The following ERAP1 variants were observed in gnomAD, a reference collection of about 807,000 sequenced individuals.
The protein encoded by ERAP1 is adipocyte-derived leucine aminopeptidase.
A neutral mutation model predicts 103.7 loss-of-function variants in ERAP1; 86 were observed. The ratio of observed to expected loss-of-function variants is 0.83; its 90% CI spans 0.70 to 0.99. ERAP1 has a LOEUF of 0.99. ERAP1 is among the 50% of genes least tolerant of loss of function. The pLI is 0.00. For missense variants in ERAP1, 1,009 were observed against 1,128.4 expected (o/e 0.89, Z 1.52); for synonymous variants, 398 against 402.4 (o/e 0.99, Z 0.13).
chr5:96,794,171 C>CT (rs35041937), intron 5 of ERAP1, among the ~76,000 whole-genome samples: 12,177 of 68,600 alleles, frequency 0.18, 3,319 homozygotes, highest in East Asian at 0.53. Context: ...CATCTCAGGC[C>CT]TTTTTTTTTT....
chr5:96,766,545 G>T (rs112257770), intron 19 of ERAP1, among the ~76,000 whole-genome samples: 16 of 152,164 alleles, frequency 1.1e-4, no homozygotes, highest in African/African-American at 3.6e-4. Context: ...TAATAAGGCA[G>T]CTCCAAGACC....
the ERAP1 span, among the ~76,000 whole-genome samples, chr5:96,891,945 G>T: frequency 6.6e-6 from 1 of 152,034 alleles, no homozygotes; most frequent in Non-Finnish European, 1.5e-5. Context: ...CCTTTTTAAA[G>T]TTTTCAGCAG....
intron 19 of ERAP1, chr5:96,766,249 A>G (rs985400153): frequency 3.9e-5 from 26 of 667,394 alleles, no homozygotes; most frequent in Non-Finnish European, 6.7e-5. Flanking sequence ...AATAGCATAA[A>G]ACATACCATG....
the ERAP1 span, among the ~76,000 whole-genome samples, chr5:96,878,421 T>C: frequency 1.3e-5 from 2 of 152,282 alleles, no homozygotes; most frequent in Admixed American, 1.3e-4. Flanking sequence ...TAATATCTGG[T>C]ATCCAAAGAA....
chr5:96,776,876 T>A, intron 18 of ERAP1: 1 of 250,676 alleles, frequency 4.0e-6, no homozygotes, highest in South Asian at 6.0e-5. Flanking sequence ...AGATGCAAAC[T>A]TCGTTTTTTA....
At chr5:96,807,833 C>T in intron 1 of ERAP1, 27 bp downstream of exon 1, 1 of 985,836 alleles carries the variant, frequency 1.0e-6, no homozygotes, top group South Asian at 4.7e-5. Flanking sequence ...CCCGCAGTCC[C>T]CTACCCGCGG....
At chr5:96,800,776 C>T in intron 3 of ERAP1, 86 bp downstream of exon 3, 4 of 1,422,188 alleles carry the variant, frequency 2.8e-6, no homozygotes, top group Non-Finnish European at 4.0e-6. Flanking sequence ...AAACAGGTGA[C>T]CCAATGTTGA....
At chr5:96,796,539 T>C (rs1027819373) in intron 4 of ERAP1, among the ~76,000 whole-genome samples, 1 of 152,194 alleles carries the variant, frequency 6.6e-6, no homozygotes, top group Non-Finnish European at 1.5e-5. Context: ...TTGCAGGATC[T>C]AGTCCAAGTT....
At chr5:96,825,101 A>T in the ERAP1 span, among the ~76,000 whole-genome samples, 1 of 152,230 alleles carries the variant, frequency 6.6e-6, no homozygotes, top group African/African-American at 2.4e-5. Context: ...GTCATTGGTC[A>T]GTAAGTTCCA....
chr5:96,879,859 TG>T, the ERAP1 span: 1 of 1,614,204 alleles, frequency 6.2e-7, no homozygotes, highest in South Asian at 1.1e-5. Flanking sequence ...TAGCCACTAA[TG>T]GGGAACGATT....
rs773395784 is a variant in ERAP1 at position 96,786,479 on chromosome 5, T to A, written c.1750A>T (p.Thr584Ser). 1 of 1,609,882 alleles carries A rather than the reference T, an allele frequency of 6.2e-7. No individual in the cohort carries two copies. The highest frequency in any genetic ancestry group is 8.5e-7 in the Non-Finnish European group (1 of 1,176,688). ...SDMVHRFLLK[T>S]KTDVLILPEE... The stretch of plus-strand genomic sequence containing the variant: ...TTCCAAAATAAATTACCTGTTTTTG[T>A]TTTTAGCAAAAATCGATGGACCATG... Residue 584 changes from threonine to serine, a missense_variant, in exon 12 of 19, where the codon ACA (threonine) becomes TCA (serine). Transcript: ENST00000443439.
At chr5:96,911,358 C>T in the ERAP1 span, among the ~76,000 whole-genome samples, 1 of 152,078 alleles carries the variant, frequency 6.6e-6, no homozygotes, top group Non-Finnish European at 1.5e-5. Flanking sequence ...TCTTATTGAT[C>T]CGTTGACATT....
chr5:96,829,872 A>C, the ERAP1 span, among the ~76,000 whole-genome samples: 1 of 152,222 alleles, frequency 6.6e-6, no homozygotes, highest in Non-Finnish European at 1.5e-5. Context: ...TTTGAACAGA[A>C]AATTAGTCTT....
chr5:96,909,864 G>GA, the ERAP1 span: 5,174 of 1,169,858 alleles, frequency 4.4e-3, 1 homozygote, highest in Non-Finnish European at 5.1e-3. Flanking sequence ...AGTGAGGATA[G>GA]AAAAAAAAAC....
chr5:96,769,215 C>T (rs1360172613), intron 19 of ERAP1: 1 of 152,156 alleles, frequency 6.6e-6, no homozygotes, highest in East Asian at 1.9e-4. Context: ...TCAGCCCTTC[C>T]ATACTGGGTA....
chr5:96,823,014 G>A, the ERAP1 span: 3 of 455,952 alleles, frequency 6.6e-6, no homozygotes, highest in African/African-American at 4.0e-5. Flanking sequence ...AAGGTTGTAG[G>A]ACAGAGCACT....
chr5:96,926,546 A>G, the ERAP1 span, among the ~76,000 whole-genome samples: 4 of 152,206 alleles, frequency 2.6e-5, no homozygotes, highest in Non-Finnish European at 5.9e-5. Context: ...TTTCATATAA[A>G]TGGAATGATA....
chr5:96,886,639 C>T, the ERAP1 span: 2 of 1,488,264 alleles, frequency 1.3e-6, no homozygotes, highest in Non-Finnish European at 1.8e-6. Context: ...CTGATTATTC[C>T]TTTTCCTTTC....
chr5:96,819,367 TACAG>T, the ERAP1 span, among the ~76,000 whole-genome samples: 1 of 152,228 alleles, frequency 6.6e-6, no homozygotes, highest in African/African-American at 2.4e-5. Flanking sequence ...GTTTTCATCC[TACAG>T]ACAATCATCA....
Sources: allele counts gnomAD v4.1 joint callset (sites outside exome capture counted in the v4.1 genomes callset), GRCh38; gene constraint gnomAD v4.1.1; transcripts MANE v1.5; gene names NCBI Gene and HGNC (gene_info 2026-07-23, HGNC 2026-07-21).